The following SLC75A1 variants were observed in gnomAD, a reference collection of about 807,000 sequenced individuals.
SLC75A1 encodes major facilitator superfamily domain containing 10.
At chr4:2,931,990 C>T in the SLC75A1 span, 2 of 1,603,094 alleles carry the variant, frequency 1.2e-6, no homozygotes, top group East Asian at 4.5e-5. Context: ...AAGGGCGCCG[C>T]CCGGGGAAGC....
the SLC75A1 span, chr4:2,930,922 G>A: frequency 6.2e-7 from 1 of 1,613,074 alleles, no homozygotes. Context: ...ACCACGTGGT[G>A]AAGCAGGCCT....
At chr4:2,932,715 C>T in the SLC75A1 span, 1 of 1,599,854 alleles carries the variant, frequency 6.3e-7, no homozygotes, top group Non-Finnish European at 8.5e-7. Flanking sequence ...GGCCGCAAAG[C>T]TCCGAGAGGT....
At chr4:2,932,446 G>T in the SLC75A1 span, 1 of 1,613,764 alleles carries the variant, frequency 6.2e-7, no homozygotes, top group South Asian at 1.1e-5. Context: ...GCCATTTCCA[G>T]GGGCAGGGAG....
the SLC75A1 span, chr4:2,932,004 G>T: frequency 1.2e-6 from 2 of 1,605,876 alleles, no homozygotes; most frequent in Non-Finnish European, 1.7e-6. Context: ...GGGAAGCCCA[G>T]GGGAGAGCAG....
At chr4:2,931,707 CCCAGGGCAGGGCCAG>C in the SLC75A1 span, 7 of 1,581,256 alleles carry the variant, frequency 4.4e-6, no homozygotes, top group Non-Finnish European at 6.0e-6. Flanking sequence ...GGCAGGGCCA[CCCAGGGCAGGGCCAG>C]GGCGAGAGTG....
chr4:2,933,090 A>G, the SLC75A1 span: 1 of 1,610,608 alleles, frequency 6.2e-7, no homozygotes, highest in East Asian at 2.2e-5. Flanking sequence ...ATGGGCACCC[A>G]GGCCCAGGAA....
the SLC75A1 span, chr4:2,932,425 CA>C: frequency 6.2e-7 from 1 of 1,613,596 alleles, no homozygotes. Flanking sequence ...AAGAGCAGGG[CA>C]AACCAGGGTG....
chr4:2,933,883 G>T, the SLC75A1 span: 3 of 1,579,788 alleles, frequency 1.9e-6, no homozygotes, highest in East Asian at 2.3e-5. Context: ...CTGGTGGATG[G>T]GTGGGCGCGG....
chr4:2,931,937 C>G, the SLC75A1 span: 1 of 1,607,218 alleles, frequency 6.2e-7, no homozygotes, highest in Non-Finnish European at 8.5e-7. Flanking sequence ...CTGCTGAGCC[C>G]TGGGGAGAGG....
chr4:2,931,543 G>A, the SLC75A1 span: 7 of 1,609,004 alleles, frequency 4.4e-6, no homozygotes, highest in East Asian at 8.9e-5. Context: ...CGCTTTGGAG[G>A]GAGCCCCCTA....
the SLC75A1 span, chr4:2,932,330 G>A: frequency 6.2e-7 from 1 of 1,607,442 alleles, no homozygotes; most frequent in Non-Finnish European, 8.5e-7. Context: ...TAGGCCTGTG[G>A]GTCCCAGACC....
chr4:2,933,669 G>C, the SLC75A1 span: 1 of 1,613,622 alleles, frequency 6.2e-7, no homozygotes. Flanking sequence ...GGGTCCTAGG[G>C]GATGAGGAAT....
chr4:2,932,290 A>C, the SLC75A1 span: 1 of 1,570,470 alleles, frequency 6.4e-7, no homozygotes, highest in Non-Finnish European at 8.6e-7. Flanking sequence ...GGGGCACTTT[A>C]CATCGCTATG....
the SLC75A1 span, chr4:2,931,810 C>A: frequency 6.3e-7 from 1 of 1,585,190 alleles, no homozygotes; most frequent in Non-Finnish European, 8.6e-7. Context: ...AGGCCGTCGC[C>A]AGATGGGGAC....
the SLC75A1 span, chr4:2,932,359 C>T: frequency 6.2e-7 from 1 of 1,612,856 alleles, no homozygotes. Flanking sequence ...ACCCGTTTCT[C>T]CAGGGGCAGC....
the SLC75A1 span, chr4:2,932,371 T>C: frequency 1.2e-6 from 2 of 1,613,102 alleles, no homozygotes; most frequent in Non-Finnish European, 1.7e-6. Context: ...AGGGGCAGCG[T>C]CTCTGGCAGG....
the SLC75A1 span, chr4:2,931,709 C>T: frequency 1.9e-6 from 3 of 1,579,416 alleles, no homozygotes; most frequent in Non-Finnish European, 2.6e-6. Flanking sequence ...CAGGGCCACC[C>T]AGGGCAGGGC....
the SLC75A1 span, chr4:2,931,684 G>A: frequency 1.4e-5 from 22 of 1,604,494 alleles, no homozygotes; most frequent in East Asian, 1.1e-4. Flanking sequence ...GTGTGTTAGT[G>A]CAGGGCACCC....
the SLC75A1 span, chr4:2,931,633 G>A: frequency 1.9e-5 from 30 of 1,613,662 alleles, no homozygotes; most frequent in Admixed American, 3.3e-5. Context: ...TGGTGAGGCC[G>A]ATGAGGAAAA....
Sources: allele counts gnomAD v4.1 joint callset, GRCh38; gene constraint gnomAD v4.1.1; transcripts MANE v1.5; gene names NCBI Gene and HGNC (gene_info 2026-07-23, HGNC 2026-07-21).